The following KAZN variants were observed in gnomAD, a reference collection of about 807,000 sequenced individuals.
KAZN encodes kazrin, periplakin interacting protein.
In KAZN, 40 loss-of-function variants were observed where a neutral mutation model predicts 87.4. The ratio of observed to expected loss-of-function variants is 0.46; its 90% confidence interval spans 0.36 to 0.60. The LOEUF is 0.60. Among genes scored for constraint, KAZN ranks in the 20% least tolerant of loss-of-function variants. The probability of loss-of-function intolerance (pLI) is 0.00; values close to 1 mark genes in which losing one functional copy is unlikely to be tolerated. For missense variants in KAZN, 898 were observed against 1,073.9 expected, an observed-to-expected ratio of 0.84 and a Z score of 2.29; for synonymous variants, 466 against 458.3, an observed-to-expected ratio of 1.02 and a Z score of -0.22.
intron 1 of KAZN, among the ~76,000 whole-genome samples, chr1:14,674,011 G>A (rs1419785069): frequency 6.6e-6 from 1 of 152,152 alleles, no homozygotes; most frequent in African/African-American, 2.4e-5. Context: ...TTGTAAGCAC[G>A]TTGAAATTCA....
At chr1:14,434,877 G>C (rs1316378783) in intron 2 of KAZN, among the ~76,000 whole-genome samples, 1 of 152,000 alleles carries the variant, frequency 6.6e-6, no homozygotes, top group African/African-American at 2.4e-5. Flanking sequence ...TTAGTAAAAG[G>C]CACATCCTGC....
intron 1 of KAZN, among the ~76,000 whole-genome samples, chr1:14,759,711 G>A (rs1410190924): frequency 1.3e-5 from 2 of 152,158 alleles, no homozygotes; most frequent in Non-Finnish European, 2.9e-5. Context: ...GATGCGATCT[G>A]GAGTCAGACG....
chr1:14,989,933 G>C lies in KAZN; in HGVS notation c.418+29058G>C, dbSNP rs77803624. Among the ~76,000 whole-genome samples, 75 of 152,314 alleles carry C rather than the reference G, an allele frequency of 4.9e-4. No individual in the cohort carries two copies. In the East Asian group the frequency reaches 0.014, roughly 28 times the overall value. Reference sequence around the variant, plus strand: ...CATTGGAGCAGAGGAGATAGGCATCGATGTTTAACCAGTAGCTGCCGTGGG... The same window carrying C: ...CATTGGAGCAGAGGAGATAGGCATCCATGTTTAACCAGTAGCTGCCGTGGG... On this transcript the variant is annotated intron_variant, in intron 2 of 14. Coordinates refer to ENST00000376030, the MANE Select transcript of KAZN (RefSeq NM_201628.3).
chr1:13,967,263 G>GACAA (rs1641979361), intron 1 of KAZN, among the ~76,000 whole-genome samples: 1 of 152,160 alleles, frequency 6.6e-6, no homozygotes. Context: ...AACGTGTGTG[G>GACAA]ACTGACTTAA....
intron 2 of KAZN, among the ~76,000 whole-genome samples, chr1:14,552,843 A>C (rs1177544134): frequency 6.6e-6 from 1 of 152,204 alleles, no homozygotes; most frequent in East Asian, 1.9e-4. Flanking sequence ...TCATTAATTC[A>C]CATGGTTCTG....
intron 1 of KAZN, among the ~76,000 whole-genome samples, chr1:14,893,465 G>A (rs916991575): frequency 6.6e-6 from 1 of 152,212 alleles, no homozygotes; most frequent in Non-Finnish European, 1.5e-5. Context: ...GGTCACGGGG[G>A]CTTCTCCAGG....
At chr1:14,445,124 C>G (rs1666911287) in intron 2 of KAZN, among the ~76,000 whole-genome samples, 1 of 151,878 alleles carries the variant, frequency 6.6e-6, no homozygotes, top group Non-Finnish European at 1.5e-5. Flanking sequence ...CTCCCGGGTT[C>G]AAGCTATTCT....
At chr1:14,954,854 G>C (rs12073909) in intron 1 of KAZN, among the ~76,000 whole-genome samples, 9,202 of 152,208 alleles carry the variant, frequency 0.06, 965 homozygotes, top group African/African-American at 0.21. Flanking sequence ...TACTCGGGAG[G>C]CTGAGGCCGG....
intron 1 of KAZN, among the ~76,000 whole-genome samples, chr1:14,831,363 T>G (rs970982671): frequency 2.0e-5 from 3 of 151,472 alleles, no homozygotes; most frequent in Non-Finnish European, 4.4e-5. Context: ...TGCTGCTGCT[T>G]CTGCTGCTCC....
chr1:13,997,575 A>G lies in KAZN; in HGVS notation c.91+103819A>G, dbSNP rs142784591. Among the ~76,000 whole-genome samples the G allele has an allele frequency of 9.7e-3, 1,481 of 151,976 alleles. 15 individuals carry two copies. The highest frequency in any genetic ancestry group is 0.032 in the African/African-American group (1,340 of 41,438). ...AGCATGAGAACTTTGTGAAGGATAC[A>G]CAAGTATCAACAGCTGAATCGACCA... On this transcript the variant is annotated intron_variant, in intron 1 of 16. Coordinates refer to the KAZN transcript ENST00000636203.
intron 2 of KAZN, among the ~76,000 whole-genome samples, chr1:14,352,023 TG>T (rs1183830885): frequency 1.3e-5 from 2 of 152,214 alleles, no homozygotes; most frequent in African/African-American, 4.8e-5. Flanking sequence ...TTAGTGAAAT[TG>T]GGGTAAGTAG....
intron 2 of KAZN, among the ~76,000 whole-genome samples, chr1:14,572,628 A>G (rs1364591191): frequency 6.6e-6 from 1 of 152,128 alleles, no homozygotes; most frequent in Non-Finnish European, 1.5e-5. Flanking sequence ...CACTTGGCCG[A>G]GCGGCTCTGT....
intron 2 of KAZN, among the ~76,000 whole-genome samples, chr1:14,502,251 C>G (rs1468110421): frequency 1.3e-5 from 2 of 152,132 alleles, no homozygotes; most frequent in African/African-American, 2.4e-5. Context: ...GGACTTTCCT[C>G]TGCTAACTCT....
intron 2 of KAZN, among the ~76,000 whole-genome samples, chr1:14,580,951 T>C (rs557486096): frequency 1.3e-5 from 2 of 152,264 alleles, no homozygotes; most frequent in Admixed American, 6.5e-5. Flanking sequence ...CACTGCTCCT[T>C]CTCGGTCTTT....
chr1:14,599,024 G>A lies in KAZN; in HGVS notation c.27G>A (p.Ala9=). The A allele has an allele frequency of 6.4e-7, 1 of 1,570,268 alleles. No individual in the cohort carries two copies. The highest frequency in any genetic ancestry group is 2.6e-5 in the East Asian group (1 of 38,858). The stretch of plus-strand genomic sequence containing the variant: ...TGATGGAAGACAATAAGCAGCTCGC[G>A]CTCCGCATCGATGGGGCGGTCCAGT... MMEDNKQL[A]LRIDGAVQSA... Residue 9 remains alanine, a synonymous_variant, in exon 1 of 15, where the codon GCG becomes GCA. Coordinates refer to ENST00000376030, the MANE Select transcript of KAZN (RefSeq NM_201628.3). This position sits in a 1 kb window ranked among gnomAD's most constrained non-coding sequence, Gnocchi z 4.4.
chr1:15,078,024 G>A (rs1639835914), intron 8 of KAZN, among the ~76,000 whole-genome samples: 3 of 152,122 alleles, frequency 2.0e-5, no homozygotes, highest in Admixed American at 2.0e-4. Context: ...TGGATGATGA[G>A]ATAAATTATC....
chr1:14,422,440 C>T (rs978218673), intron 2 of KAZN, among the ~76,000 whole-genome samples: 11 of 152,200 alleles, frequency 7.2e-5, no homozygotes, highest in African/African-American at 2.7e-4. Flanking sequence ...CTACGCAGCG[C>T]ATAAGACACT....
In KAZN at chr1:14,467,332, TA is replaced by T. The variant is rs553802717; in HGVS notation, c.250-131641del. On this transcript the variant is annotated intron_variant, in intron 2 of 16. Coordinates refer to the KAZN transcript ENST00000636203. ...TAAGAAAATAACTTGAAATATATTATAAAAAAAAAACAACAAGGAAAATAAA... is the reference window on the plus strand; with the variant it reads ...TAAGAAAATAACTTGAAATATATTATAAAAAAAAACAACAAGGAAAATAAA... Among the ~76,000 whole-genome samples, 614 of 145,464 alleles carry T rather than the reference TA, an allele frequency of 4.2e-3. 1 individual carries two copies. Among genetic ancestry groups the T allele is most frequent in the African/African-American group, 0.015 (572 of 39,420 alleles).
chr1:14,562,830 G>A (rs1674335782), intron 2 of KAZN, among the ~76,000 whole-genome samples: 1 of 152,200 alleles, frequency 6.6e-6, no homozygotes, highest in South Asian at 2.1e-4. Flanking sequence ...ACATGGCAGT[G>A]CCTTCCAGAG....
Sources: gnomAD v4.1 joint callset for allele counts (sites outside exome capture counted in the v4.1 genomes callset) on GRCh38, gnomAD v4.1.1 for gene constraint, Gnocchi (gnomAD v3.1) non-coding constraint, MANE v1.5 for transcripts, NCBI Gene and HGNC (gene_info 2026-07-23, HGNC 2026-07-21) for gene names.